The following DCTD variants were observed in gnomAD, a reference collection of about 807,000 sequenced individuals.
The protein encoded by DCTD is deoxycytidylate deaminase.
DCTD carries 23 observed loss-of-function variants against 21.0 expected under a neutral mutation model. The ratio of observed to expected loss-of-function variants is 1.09; its 90% CI spans 0.79 to 1.55. The LOEUF is 1.55. Among genes scored for constraint, DCTD ranks in the 40% most tolerant of loss-of-function variants. The pLI is 0.00. For missense variants in DCTD, 224 were observed against 230.0 expected, an observed-to-expected ratio of 0.97 and a Z score of 0.17; for synonymous variants, 71 against 81.1, an observed-to-expected ratio of 0.88 and a Z score of 0.67.
chr4:182,910,238 A>G (rs1380350807), intron 3 of DCTD, among the ~76,000 whole-genome samples: 1 of 152,224 alleles, frequency 6.6e-6, no homozygotes, highest in East Asian at 1.9e-4. Flanking sequence ...AGCAGAAATC[A>G]GCAAGGCCAC....
At chr4:182,898,373 A>G (rs1735121054) in intron 3 of DCTD, among the ~76,000 whole-genome samples, 2 of 152,232 alleles carry the variant, frequency 1.3e-5, no homozygotes, top group Admixed American at 6.5e-5. Flanking sequence ...ATGACCTTCG[A>G]CAGGGTGGCT....
intron 3 of DCTD, among the ~76,000 whole-genome samples, chr4:182,903,941 A>G (rs1736199087): frequency 6.6e-6 from 1 of 152,224 alleles, no homozygotes; most frequent in Non-Finnish European, 1.5e-5. Context: ...TCAAGAGCAC[A>G]GCACAGACAA....
intron 3 of DCTD, among the ~76,000 whole-genome samples, chr4:182,897,600 T>A (rs1442590425): frequency 6.6e-6 from 1 of 151,876 alleles, no homozygotes; most frequent in Non-Finnish European, 1.5e-5. Flanking sequence ...AAAGGAACAA[T>A]CCAAAATCCC....
At position 182,891,471 on chromosome 4, in the gene DCTD, GA is replaced by G. The variant is rs755367132; in HGVS notation, c.464del (p.Phe155SerfsTer44). 1.2e-6 allele frequency: 2 copies of G among 1,607,422 alleles called. No individual in the cohort carries two copies. The highest frequency in any genetic ancestry group is 4.5e-5 in the East Asian group (2 of 44,840). On this transcript the variant is annotated frameshift_variant, in exon 6 of 6. Coordinates refer to ENST00000438320, the MANE Select transcript of DCTD (RefSeq NM_001921.3). LOFTEE classifies it high-confidence loss of function. ...FNMAGVTFRK[F>X]IPKCSKIVID... ...TGACAATCTTGCTGCACTTCGGTAT[GA>G]ATTTCCTAAAAATAAAAACAAAATA... is the stretch of plus-strand genomic sequence containing the variant.
Position 182,891,085 on chromosome 4 carries a change from G to C in DCTD, c.*314C>G, listed in dbSNP as rs1250192377. On this transcript the variant is annotated 3_prime_UTR_variant, in exon 6 of 6. Transcript: ENST00000438320. ...GCCGGATCGCAGCAGATGACAGACA[G>C]CTGATGCTCCTCTGAAGAGCCACCA... 1 of 286,542 alleles carries C rather than the reference G, an allele frequency of 3.5e-6. No individual in the cohort carries two copies. The highest frequency in any genetic ancestry group is 6.5e-6 in the Non-Finnish European group (1 of 153,512). The allele number at this position is 286,542 out of a possible 1,614,324, so 17.7% of individuals were successfully genotyped here. A position where few individuals can be genotyped will look rare whatever the true frequency, so the allele number is the denominator to read the frequency against.
intron 3 of DCTD, among the ~76,000 whole-genome samples, chr4:182,908,682 CAAAAAAAAA>C (rs34915632): frequency 1.6e-5 from 1 of 63,734 alleles, no homozygotes; most frequent in Non-Finnish European, 2.9e-5. Flanking sequence ...GACTCTGTCT[CAAAAAAAAA>C]AAAAAAAAAA....
intron 3 of DCTD, among the ~76,000 whole-genome samples, chr4:182,914,578 C>T (rs182497616): frequency 1.1e-4 from 17 of 152,360 alleles, no homozygotes; most frequent in Non-Finnish European, 1.5e-4. Flanking sequence ...CCATGCACAT[C>T]CCTCAGCTAT....
chr4:182,911,980 G>C (rs891742772), intron 3 of DCTD, among the ~76,000 whole-genome samples: 1 of 152,064 alleles, frequency 6.6e-6, no homozygotes, highest in Non-Finnish European at 1.5e-5. Context: ...TCCAGAACTC[G>C]AGATAATCTC....
upstream of DCTD, chr4:182,917,425 C>A: frequency 1.0e-6 from 1 of 985,886 alleles, no homozygotes; most frequent in Non-Finnish European, 1.2e-6. The surrounding 1 kb of genome is among the most constrained non-coding windows in gnomAD (Gnocchi z 4.9). Context: ...GGGCAGCGGC[C>A]CGGGCGCCGC....
intron 3 of DCTD, 105 bp downstream of exon 3, chr4:182,914,818 A>G: frequency 7.6e-7 from 1 of 1,324,478 alleles, no homozygotes; most frequent in Admixed American, 1.9e-5. Flanking sequence ...TTTTCTTTCC[A>G]GTTGTTGATG....
chr4:182,907,890 G>C (rs1386450267), intron 3 of DCTD, among the ~76,000 whole-genome samples: 1 of 152,172 alleles, frequency 6.6e-6, no homozygotes, highest in Non-Finnish European at 1.5e-5. Context: ...CAGTCACTGG[G>C]CATGAACATA....
Position 182,917,141 on chromosome 4 carries a change from G to A in DCTD, c.-8+170C>T. On this transcript the variant is annotated intron_variant, in intron 1 of 5. Coordinates refer to ENST00000438320, the MANE Select transcript of DCTD (RefSeq NM_001921.3). The surrounding 1 kb of genome is among the most constrained non-coding windows in gnomAD (Gnocchi z 4.9). ...CGGGGACCCCGAGCGCCCCCACCCC[G>A]CCCGCATTCTCCGATCTAAAGGCTG... 8 of 962,922 alleles carry A rather than the reference G, an allele frequency of 8.3e-6. No individual in the cohort carries two copies. The highest frequency in any genetic ancestry group is 8.6e-6 in the Non-Finnish European group (7 of 810,788). The allele number at this position is 962,922 out of a possible 1,614,324, so 59.6% of individuals were successfully genotyped here. A position where few individuals can be genotyped will look rare whatever the true frequency, so the allele number is the denominator to read the frequency against.
chr4:182,890,553 T>C lies in DCTD; in HGVS notation c.*846A>G, dbSNP rs1733572756. On this transcript the variant is annotated 3_prime_UTR_variant, in exon 6 of 6. Coordinates refer to ENST00000438320, the MANE Select transcript of DCTD (RefSeq NM_001921.3). ...GCGGAGGAGGGGCAACACATCCATG[T>C]TGGGGACCCCTCCCATCCACAGCCC... 1.3e-5 allele frequency: 2 copies of C among 152,252 alleles called. No individual in the cohort carries two copies. Among genetic ancestry groups the C allele is most frequent in the Non-Finnish European group, 2.9e-5 (2 of 68,052 alleles). The allele number at this position is 152,252 out of a possible 1,614,324, so 9.4% of individuals were successfully genotyped here.
chr4:182,910,060 A>G (rs1737403218), intron 3 of DCTD, among the ~76,000 whole-genome samples: 1 of 152,108 alleles, frequency 6.6e-6, no homozygotes, highest in African/African-American at 2.4e-5. Context: ...CTTCTACCCA[A>G]CGCACTCAGA....
chr4:182,901,267 T>A (rs1295698838), intron 3 of DCTD, among the ~76,000 whole-genome samples: 1 of 152,182 alleles, frequency 6.6e-6, no homozygotes, highest in Non-Finnish European at 1.5e-5. Flanking sequence ...TCATCTGCTA[T>A]GGAGATGTGA....
Position 182,893,027 on chromosome 4 carries a change from T to C in DCTD, c.458+4A>G. The C allele has an allele frequency of 6.4e-7, 1 of 1,556,120 alleles. No individual in the cohort carries two copies. ...GTCCCCCCGCCCGCATTCTCCCCAC[T>C]TACCGGAATGTCACCCCGGCCATAT... On this transcript the variant is annotated splice_donor_region_variant and intron_variant, in intron 5 of 5. Coordinates refer to ENST00000438320, the MANE Select transcript of DCTD (RefSeq NM_001921.3).
At chr4:182,897,329 A>T (rs1734912255) in intron 3 of DCTD, among the ~76,000 whole-genome samples, 1 of 149,870 alleles carries the variant, frequency 6.7e-6, no homozygotes, top group Non-Finnish European at 1.5e-5. Context: ...TTAAAAATAA[A>T]TATTAAATAT....
chr4:182,898,733 CT>C (rs1242799161), intron 3 of DCTD, among the ~76,000 whole-genome samples: 1 of 152,128 alleles, frequency 6.6e-6, no homozygotes, highest in Admixed American at 6.5e-5. Flanking sequence ...TTTTAGGATT[CT>C]TTTTTTCCTC....
At chr4:182,901,635 T>C (rs1354981930) in intron 3 of DCTD, among the ~76,000 whole-genome samples, 2 of 152,158 alleles carry the variant, frequency 1.3e-5, no homozygotes, top group African/African-American at 4.8e-5. Flanking sequence ...GGGTCAGGAC[T>C]CGAGCTAAGA....
Sources: allele counts gnomAD v4.1 joint callset (sites outside exome capture counted in the v4.1 genomes callset), GRCh38; gene constraint gnomAD v4.1.1; non-coding constraint Gnocchi (gnomAD v3.1); transcripts MANE v1.5; gene names NCBI Gene and HGNC (gene_info 2026-07-23, HGNC 2026-07-21).